Variants in UTP25 observed in about 807,000 individuals in gnomAD.
UTP25 encodes the protein U3 small nucleolar RNA-associated protein 25 homolog.
UTP25 carries 50 observed loss-of-function variants against 78.9 expected under a neutral mutation model. That is an observed-to-expected ratio of 0.63 (90% CI 0.50 to 0.80). The LOEUF (loss-of-function observed/expected upper bound fraction) is 0.80, where lower values mean the gene tolerates loss of function less well. Ranked by LOEUF, UTP25 falls within the 30% of genes least tolerant of loss-of-function variation. The probability of loss-of-function intolerance (pLI) is 0.00; values close to 1 mark genes in which losing one functional copy is unlikely to be tolerated. For missense variants in UTP25, 846 were observed against 911.3 expected (o/e 0.93, Z 0.92); for synonymous variants, 329 against 336.5 (o/e 0.98, Z 0.24).
rs11119352 is a variant in UTP25, at chr1:209,836,775, T to C, written c.652-26T>C. ...AATTTACTGTTATTCATTTCTAATT[T>C]GGCTCTTGATCTGTTTCTCCCCTAG... On this transcript the variant is annotated intron_variant, in intron 5 of 11. Transcript: ENST00000491415. 4.5e-6 allele frequency: 7 copies of C among 1,555,520 alleles called. No individual in the cohort carries two copies. In the East Asian group the frequency reaches 1.6e-4, roughly 35 times the overall value.
intron 3 of UTP25, among the ~76,000 whole-genome samples, chr1:209,832,206 C>G (rs1036743374): frequency 6.6e-6 from 1 of 151,586 alleles, no homozygotes; most frequent in African/African-American, 2.4e-5. Flanking sequence ...AATATAGTTA[C>G]CCTCTATCCC....
At chr1:209,839,720 G>A (rs1454560767) in intron 7 of UTP25, among the ~76,000 whole-genome samples, 3 of 152,196 alleles carry the variant, frequency 2.0e-5, no homozygotes, top group Non-Finnish European at 2.9e-5. Context: ...AATACTTATT[G>A]AGTATCTACA....
chr1:209,851,546 AC>A lies in UTP25; in HGVS notation c.*100del. The A allele has an allele frequency of 7.0e-7, 1 of 1,437,390 alleles. No homozygotes were observed. Among genetic ancestry groups the A allele is most frequent in the Non-Finnish European group, 9.3e-7 (1 of 1,071,126 alleles). 89.0% of individuals were successfully genotyped at this position (1,437,390 alleles called of 1,614,324 possible). On this transcript the variant is annotated 3_prime_UTR_variant, in exon 12 of 12. Transcript: ENST00000491415. ...GATTACTTACAGAAGAAGGACTGATACAAAGAAAGTGCATGAGGCAATGTCA... is the reference window on the plus strand; with the variant it reads ...GATTACTTACAGAAGAAGGACTGATAAAAGAAAGTGCATGAGGCAATGTCA...
chr1:209,837,590 G>A (rs893861357), intron 6 of UTP25, among the ~76,000 whole-genome samples: 1 of 152,154 alleles, frequency 6.6e-6, no homozygotes. Context: ...CCCCAAATTC[G>A]TAGAAATTCA....
intron 11 of UTP25, among the ~76,000 whole-genome samples, chr1:209,847,015 A>G (rs1234013476): frequency 6.7e-6 from 1 of 148,398 alleles, no homozygotes; most frequent in Non-Finnish European, 1.5e-5. Flanking sequence ...ATGTGTGCAC[A>G]TGCACACGTG....
intron 11 of UTP25, 56 bp from the exon 12 acceptor site, chr1:209,851,148 T>A: frequency 6.4e-7 from 1 of 1,565,778 alleles, no homozygotes. Flanking sequence ...TCCTAGGTAG[T>A]TTTTCTAGAA....
chr1:209,841,214 T>A (rs2078165370), intron 8 of UTP25, among the ~76,000 whole-genome samples, 159 bp downstream of exon 8: 1 of 152,232 alleles, frequency 6.6e-6, no homozygotes, highest in African/African-American at 2.4e-5. Context: ...AAAAGTCTTT[T>A]GTCCCCTTTT....
intron 11 of UTP25, among the ~76,000 whole-genome samples, chr1:209,850,271 C>T (rs1300674547): frequency 2.0e-5 from 3 of 152,082 alleles, no homozygotes; most frequent in Non-Finnish European, 2.9e-5. Context: ...GTTCATTAGC[C>T]GTTAGAATTC....
At chr1:209,830,298 G>A in intron 2 of UTP25, 151 bp downstream of exon 2, 1 of 721,998 alleles carries the variant, frequency 1.4e-6, no homozygotes, top group Non-Finnish European at 2.2e-6. Flanking sequence ...AAATGCAGAT[G>A]TCTATAAAAA....
chr1:209,828,141 T>C lies in UTP25; in HGVS notation c.78T>C (p.Asp26=), dbSNP rs2078078916. 4 of 1,614,144 alleles carry C rather than the reference T, an allele frequency of 2.5e-6. No individual in the cohort carries two copies. The African/African-American group carries it at 4.0e-5, about 16-fold the overall frequency. The change falls in exon 1 of 12, where the codon GAT becomes GAC. Residue 26 remains aspartate, a synonymous_variant. Transcript: ENST00000491415. ...LTKKQKKHLR[D]FGEEHPFYDR... ...AAAAGCAGAAGAAACATCTTCGAGA[T>C]TTCGGCGAGGAGCATCCCTTCTATG...
chr1:209,851,079 T>C (rs1324954626), intron 11 of UTP25, 125 bp from the exon 12 acceptor site: 1 of 1,050,422 alleles, frequency 9.5e-7, no homozygotes, highest in Non-Finnish European at 1.4e-6. Flanking sequence ...CTGTTACTTG[T>C]GCCACTGTTT....
Position 209,851,527 on chromosome 1 carries a change from T to C in UTP25, c.*80T>C. The C allele has an allele frequency of 2.0e-6, 3 of 1,489,058 alleles. No individual in the cohort carries two copies. The highest frequency in any genetic ancestry group is 2.8e-5 in the South Asian group (2 of 72,652). The allele number at this position is 1,489,058 out of a possible 1,614,324, so 92.2% of individuals were successfully genotyped here. A position where few individuals can be genotyped will look rare whatever the true frequency, so the allele number is the denominator to read the frequency against. On this transcript the variant is annotated 3_prime_UTR_variant, in exon 12 of 12. Coordinates refer to ENST00000491415, the MANE Select transcript of UTP25 (RefSeq NM_014388.7). ...GCCATTTGGACCCAATTCTGATTAC[T>C]TACAGAAGAAGGACTGATACAAAGA...
In UTP25 at chr1:209,852,181, A is replaced by AG. The variant is rs1204129666; in HGVS notation, c.*734_*735insG. 6.6e-6 allele frequency: 1 copy of AG among 152,194 alleles called. No individual in the cohort carries two copies. Among genetic ancestry groups the AG allele is most frequent in the African/African-American group, 2.4e-5 (1 of 41,426 alleles). 9.4% of individuals were successfully genotyped at this position (152,194 alleles called of 1,614,324 possible). On this transcript the variant is annotated 3_prime_UTR_variant, in exon 12 of 12. Coordinates refer to ENST00000491415, the MANE Select transcript of UTP25 (RefSeq NM_014388.7). ...ATAACTAGTCATTTTTTCAGTCATA[A>AG]ACAGATGCAAATAAAAAGGAAATTA...
intron 4 of UTP25, among the ~76,000 whole-genome samples, chr1:209,834,653 T>C (rs1017327614): frequency 6.6e-6 from 1 of 152,184 alleles, no homozygotes; most frequent in Admixed American, 6.5e-5. Flanking sequence ...GAAGTATTTA[T>C]TGTGATTCAG....
chr1:209,842,149 T>A lies in UTP25; in HGVS notation c.1486-116T>A. 2.8e-6 allele frequency: 3 copies of A among 1,082,592 alleles called. No individual in the cohort carries two copies. In the South Asian group the frequency reaches 4.6e-5, roughly 17 times the overall value. 67.1% of individuals were successfully genotyped at this position (1,082,592 alleles called of 1,614,324 possible). On this transcript the variant is annotated intron_variant, in intron 8 of 11. Coordinates refer to ENST00000491415, the MANE Select transcript of UTP25 (RefSeq NM_014388.7). ...TCACCCATGTGAGCCTCAGTTTTCT[T>A]GTTATAATTTAGGAGATGATAGTAC...
Position 209,851,667 on chromosome 1 carries a change from G to A in UTP25, c.*220G>A, listed in dbSNP as rs1384556532. Reference sequence around the variant, plus strand: ...AATCCCATCTTTCAGAAGTGAAGAGGGGGCTAGAAGGACTCTGAGAAGTTG... The same window carrying A: ...AATCCCATCTTTCAGAAGTGAAGAGAGGGCTAGAAGGACTCTGAGAAGTTG... On this transcript the variant is annotated 3_prime_UTR_variant, in exon 12 of 12. Coordinates refer to ENST00000491415, the MANE Select transcript of UTP25 (RefSeq NM_014388.7). 1 of 421,778 alleles carries A rather than the reference G, an allele frequency of 2.4e-6. No individual in the cohort carries two copies. The highest frequency in any genetic ancestry group is 4.0e-6 in the Non-Finnish European group (1 of 248,632). The allele number at this position is 421,778 out of a possible 1,614,324, so 26.1% of individuals were successfully genotyped here. A position where few individuals can be genotyped will look rare whatever the true frequency, so the allele number is the denominator to read the frequency against.
At position 209,845,115 on chromosome 1, in the gene UTP25, AT is replaced by A. The variant is rs1478089963; in HGVS notation, c.2027+1420del. On this transcript the variant is annotated intron_variant, in intron 11 of 11. Transcript: ENST00000491415. ...CCCAGATAACGTCCTTGTTCCCAGGATGGGGAGGGAGGCGTCCCAGCAGCTT... is the reference window on the plus strand; with the variant it reads ...CCCAGATAACGTCCTTGTTCCCAGGAGGGGAGGGAGGCGTCCCAGCAGCTT... 2.0e-5 allele frequency among the ~76,000 whole-genome samples: 3 copies of A among 152,318 alleles called. No individual in the cohort carries two copies. In the East Asian group the frequency reaches 5.8e-4, roughly 29 times the overall value.
intron 4 of UTP25, among the ~76,000 whole-genome samples, chr1:209,833,863 G>A (rs115121347): frequency 0.01 from 1,528 of 152,182 alleles, 11 homozygotes; most frequent in Middle Eastern, 0.02. Flanking sequence ...TGGCAGTCAC[G>A]TGGTCAAGAC....
intron 11 of UTP25, among the ~76,000 whole-genome samples, chr1:209,850,851 A>G (rs551341542): frequency 5.1e-4 from 77 of 152,280 alleles, no homozygotes; most frequent in African/African-American, 1.8e-3. Context: ...TAATAAGGCT[A>G]ATGTTCCATT....
Sources: allele counts gnomAD v4.1 joint callset (sites outside exome capture counted in the v4.1 genomes callset), GRCh38; gene constraint gnomAD v4.1.1; transcripts MANE v1.5; gene names NCBI Gene and HGNC (gene_info 2026-07-23, HGNC 2026-07-21).